Variants in MTF1 observed in about 807,000 individuals in gnomAD.
MTF1 encodes the protein metal regulatory transcription factor 1.
In MTF1, 22 loss-of-function variants were observed where a neutral mutation model predicts 70.4. The ratio of observed to expected loss-of-function variants is 0.31; its 90% CI spans 0.22 to 0.45. The LOEUF (loss-of-function observed/expected upper bound fraction) is 0.45. MTF1 is among the 20% of genes least tolerant of loss of function. MTF1 has a pLI of 1.00. For synonymous variants in MTF1, 333 were observed against 352.8 expected (o/e 0.94, Z 0.63); for missense variants, 649 against 922.0 (o/e 0.70, Z 3.83).
intron 2 of MTF1, among the ~76,000 whole-genome samples, chr1:37,855,641 T>A (rs1239440733): frequency 6.6e-6 from 1 of 152,200 alleles, no homozygotes; most frequent in Non-Finnish European, 1.5e-5. Flanking sequence ...AGTGACTTAT[T>A]TTTTTCTAAT....
rs896038396 is a variant in MTF1 at position 37,826,491 on chromosome 1, G to A, written c.1069-2679C>T. The A allele has an allele frequency of 5.1e-5, 22 of 432,766 alleles. No homozygotes were observed. In the Admixed American group the frequency reaches 6.2e-4, roughly 12 times the overall value. The allele number at this position is 432,766 out of a possible 1,614,324, so 26.8% of individuals were successfully genotyped here. On this transcript the variant is annotated intron_variant, in intron 7 of 10. Coordinates refer to ENST00000373036, the MANE Select transcript of MTF1 (RefSeq NM_005955.3). ...AGTAGAGATAAGGTCCTGCTACGTTGCCTAGCCTGGTCTTGAACTCCTGGC... is the reference window on the plus strand; with the variant it reads ...AGTAGAGATAAGGTCCTGCTACGTTACCTAGCCTGGTCTTGAACTCCTGGC...
chr1:37,854,101 G>A (rs1266167932), intron 2 of MTF1, among the ~76,000 whole-genome samples: 6 of 152,112 alleles, frequency 3.9e-5, no homozygotes, highest in Admixed American at 2.0e-4. Flanking sequence ...TCCACCTCCC[G>A]GGTTCAAGCA....
At chr1:37,847,989 T>C (rs983168376) in intron 2 of MTF1, among the ~76,000 whole-genome samples, 2 of 152,134 alleles carry the variant, frequency 1.3e-5, no homozygotes, top group Admixed American at 6.6e-5. Flanking sequence ...TAAAACACAG[T>C]TATAAATGGC....
rs79350290 is a variant in MTF1, at chr1:37,824,518, T to C, written c.1069-706A>G. On this transcript the variant is annotated intron_variant, in intron 7 of 10. Coordinates refer to ENST00000373036, the MANE Select transcript of MTF1 (RefSeq NM_005955.3). ...TTTGAGACCAGCCTGGAAAACATGG[T>C]AAAACCCCGTTTCTACTAAAAATAC... 3.4e-3 allele frequency among the ~76,000 whole-genome samples: 524 copies of C among 152,158 alleles called. 2 individuals carry two copies. The highest frequency in any genetic ancestry group is 0.012 in the African/African-American group (503 of 41,518).
chr1:37,819,528 T>C (rs1640878310), intron 9 of MTF1, among the ~76,000 whole-genome samples: 1 of 152,200 alleles, frequency 6.6e-6, no homozygotes, highest in Non-Finnish European at 1.5e-5. Flanking sequence ...AGGTTTCCAC[T>C]TTCTTGAAGT....
At position 37,838,866 on chromosome 1, in the gene MTF1, G is replaced by A. The variant is rs1418468300; in HGVS notation, c.648-110C>T. 36 of 847,024 alleles carry A rather than the reference G, an allele frequency of 4.3e-5. No individual in the cohort carries two copies. The South Asian group carries it at 6.1e-4, about 14-fold the overall frequency. The allele number at this position is 847,024 out of a possible 1,614,324, so 52.5% of individuals were successfully genotyped here. On this transcript the variant is annotated intron_variant, in intron 3 of 10. Transcript: ENST00000373036. ...GTCGCCCAGGCTGGAGTGCAATGGCGCAGTCTCGGCTCACTGCAACCTCCT... is the reference window on the plus strand; with the variant it reads ...GTCGCCCAGGCTGGAGTGCAATGGCACAGTCTCGGCTCACTGCAACCTCCT...
chr1:37,848,810 A>C (rs1351794611), intron 2 of MTF1, among the ~76,000 whole-genome samples: 1 of 152,262 alleles, frequency 6.6e-6, no homozygotes, highest in Non-Finnish European at 1.5e-5. Flanking sequence ...AGAGTTCAGA[A>C]GGGAACCTGC....
At position 37,822,264 on chromosome 1, in the gene MTF1, A is replaced by C. The variant is rs1031583010; in HGVS notation, c.1624T>G (p.Ser542Ala). ...ATTGTGGGATTATTAGTTAGGACAG[A>C]GTTGGCACCCAGGGGCAGAGTCTGG... ...MVQTLPLGAN[S>A]VLTNNPTITI... Residue 542 changes from serine to alanine, a missense_variant, in exon 9 of 11, where the codon TCT (serine) becomes GCT (alanine). Physicochemically the swap from Ser to Ala is moderately conservative, Grantham distance 99 (BLOSUM62 1). This residue lies in a region of MTF1 where 267 missense variants were observed against 292.1 expected (regional missense o/e 0.91). Coordinates refer to ENST00000373036, the MANE Select transcript of MTF1 (RefSeq NM_005955.3). The C allele has an allele frequency of 1.2e-6, 2 of 1,614,142 alleles. No individual in the cohort carries two copies. The highest frequency in any genetic ancestry group is 3.3e-5 in the Admixed American group (2 of 60,014).
At chr1:37,850,364 G>A (rs776544740) in intron 2 of MTF1, among the ~76,000 whole-genome samples, 27 of 151,912 alleles carry the variant, frequency 1.8e-4, no homozygotes, top group Non-Finnish European at 2.4e-4. Context: ...TTGGGAGGTC[G>A]AGGCAGGAGG....
chr1:37,835,150 T>C lies in MTF1; in HGVS notation c.919A>G (p.Lys307Glu). 6.2e-7 allele frequency: 1 copy of C among 1,613,904 alleles called. No individual in the cohort carries two copies. The highest frequency in any genetic ancestry group is 1.7e-5 in the Admixed American group (1 of 60,030). Reference sequence around the variant, plus strand: ...TTATCATGACCTTTCATGTGACTTTTGAGACTGTATTGAGTGCTGAATGTT... The same window carrying C: ...TTATCATGACCTTTCATGTGACTTTCGAGACTGTATTGAGTGCTGAATGTT... Reference protein sequence around the residue: ...EKTFSTQYSLKSHMKGHDNKG... With the variant: ...EKTFSTQYSLESHMKGHDNKG... Residue 307 changes from lysine to glutamate, a missense_variant, in exon 6 of 11, where the codon AAA becomes GAA. Lys to Glu is a moderately conservative substitution (Grantham distance 56). Transcript: ENST00000373036.
Position 37,835,076 on chromosome 1 carries a change from C to T in MTF1, c.990+3G>A. The T allele has an allele frequency of 5.0e-6, 8 of 1,613,662 alleles. No homozygotes were observed. Among genetic ancestry groups the T allele is most frequent in the Non-Finnish European group, 5.9e-6 (7 of 1,179,804 alleles). On this transcript the variant is annotated splice_donor_region_variant and intron_variant, in intron 6 of 10. Coordinates refer to ENST00000373036, the MANE Select transcript of MTF1 (RefSeq NM_005955.3). ...CAGATCAAGAGACAAAAACACTACA[C>T]ACCTCTGATCCATTGTGTTGTGGAA...
Position 37,831,132 on chromosome 1 carries a change from T to A in MTF1, c.1068+1113A>T, listed in dbSNP as rs114903538. Among the ~76,000 whole-genome samples the A allele has an allele frequency of 5.1e-3, 770 of 152,340 alleles. 7 individuals carry two copies. The highest frequency in any genetic ancestry group is 0.017 in the African/African-American group (727 of 41,570). ...CTTCCAAGGTTACCTCTGCTTGCTA[T>A]TGGTTGCTCACCAGTGCCTTTCCAC... On this transcript the variant is annotated intron_variant, in intron 7 of 10. Coordinates refer to ENST00000373036, the MANE Select transcript of MTF1 (RefSeq NM_005955.3).
intron 2 of MTF1, among the ~76,000 whole-genome samples, chr1:37,856,170 C>CTTTTTTTTTTTTTTTTTTTTT (rs869062644): frequency 1.3e-5 from 1 of 74,158 alleles, no homozygotes. Flanking sequence ...CCTGAATTTC[C>CTTTTTTTTTTTTTTTTTTTTT]TTTTTTTTTT....
In MTF1 at chr1:37,857,566, A is replaced by C. The variant is rs1446917879; in HGVS notation, c.93T>G (p.Asp31Glu). 35 of 1,614,112 alleles carry C rather than the reference A, an allele frequency of 2.2e-5. No homozygotes were observed. Among genetic ancestry groups the C allele is most frequent in the Non-Finnish European group, 2.7e-5 (32 of 1,180,058 alleles). Residue 31 changes from aspartate (D) to glutamate (E), a missense_variant, in exon 2 of 11, where the codon GAT becomes GAG. Asp to Glu is a conservative substitution (Grantham distance 45, BLOSUM62 2). Around this residue, in one of 7 missense-constraint regions of MTF1, gnomAD observed 34 missense variants for 38.7 expected, o/e 0.88. Transcript: ENST00000373036. ...TPDDKMLRFV[D>E]KNGLVPSSSG... ...ATGAGGAAGGCACCAGTCCGTTTTT[A>C]TCCACAAACCTGAGCATTTTATCAT...
At chr1:37,844,755 C>T (rs1380139870) in intron 2 of MTF1, among the ~76,000 whole-genome samples, 1 of 152,148 alleles carries the variant, frequency 6.6e-6, no homozygotes, top group Non-Finnish European at 1.5e-5. Context: ...CCCTGCCCTG[C>T]CAAACTCTAC....
intron 2 of MTF1, among the ~76,000 whole-genome samples, chr1:37,854,663 T>A (rs527699974): frequency 1.3e-5 from 2 of 152,212 alleles, no homozygotes; most frequent in Non-Finnish European, 2.9e-5. Context: ...ATGTAGACTA[T>A]ATAGTAATTG....
In MTF1 at chr1:37,839,985, G is replaced by A. The variant is rs201927248; in HGVS notation, c.582C>T (p.His194=). The A allele has an allele frequency of 2.4e-5, 39 of 1,614,224 alleles. No homozygotes were observed. In the African/African-American group the frequency reaches 3.6e-4, roughly 15 times the overall value. The change falls in exon 3 of 11, where the codon CAC becomes CAT. Residue 194 remains histidine, a synonymous_variant. Coordinates refer to ENST00000373036, the MANE Select transcript of MTF1 (RefSeq NM_005955.3). The part of the protein sequence containing the change: ...SYSLRIHVRV[H]TKEKPFECDV... Reference sequence around the variant, plus strand: ...CACACTCAAATGGCTTCTCCTTCGTGTGCACTCGCACGTGGATCCTGAGGC... The same window carrying A: ...CACACTCAAATGGCTTCTCCTTCGTATGCACTCGCACGTGGATCCTGAGGC...
intron 8 of MTF1, 91 bp from the exon 9 acceptor site, chr1:37,822,807 C>T (rs1640938925): frequency 7.3e-6 from 6 of 821,904 alleles, no homozygotes; most frequent in Non-Finnish European, 9.5e-6. Flanking sequence ...CAAAACACAG[C>T]TGAAGTCCAC....
chr1:37,821,815 C>T (rs1569849062), intron 9 of MTF1, among the ~76,000 whole-genome samples: 1 of 152,054 alleles, frequency 6.6e-6, no homozygotes, highest in Non-Finnish European at 1.5e-5. Flanking sequence ...TATTCTGGGA[C>T]CTCTGGAGTT....
Sources: gnomAD v4.1 joint callset for allele counts (sites outside exome capture counted in the v4.1 genomes callset) on GRCh38, gnomAD v4.1.1 for gene constraint, gnomAD v4.1.1 regional missense constraint, MANE v1.5 for transcripts, NCBI Gene and HGNC (gene_info 2026-07-23, HGNC 2026-07-21) for gene names.